The following FOXP1 variants were observed in gnomAD, a reference collection of about 807,000 sequenced individuals.
FOXP1 encodes the protein forkhead box P1.
FOXP1 carries 15 observed loss-of-function variants against 98.2 expected under a neutral mutation model. That is an observed-to-expected ratio of 0.15 (90% CI 0.10 to 0.24). The LOEUF is 0.24. Among genes scored for constraint, FOXP1 ranks in the 10% least tolerant of loss-of-function variants. FOXP1 has a pLI of 1.00. For synonymous variants in FOXP1, 371 were observed against 314.5 expected, an observed-to-expected ratio of 1.18 and a Z score of -1.90; for missense variants, 633 against 848.5, an observed-to-expected ratio of 0.75 and a Z score of 3.15.
intron 6 of FOXP1, among the ~76,000 whole-genome samples, chr3:71,190,129 AG>A (rs1262046409): frequency 6.6e-6 from 1 of 152,186 alleles, no homozygotes; most frequent in Non-Finnish European, 1.5e-5. Context: ...TTCTCTACTT[AG>A]AACCCTCCCA....
intron 3 of FOXP1, among the ~76,000 whole-genome samples, chr3:71,367,871 C>T (rs2079028811): frequency 6.6e-6 from 1 of 152,160 alleles, no homozygotes; most frequent in Admixed American, 6.5e-5. Flanking sequence ...TGCAATACCA[C>T]CAAACTTTTT....
At chr3:71,397,429 G>C (rs996825745) in intron 3 of FOXP1, among the ~76,000 whole-genome samples, 2 of 152,150 alleles carry the variant, frequency 1.3e-5, no homozygotes, top group Non-Finnish European at 2.9e-5. Flanking sequence ...CCTGAATGTA[G>C]GTATTGCTGC....
intron 14 of FOXP1, among the ~76,000 whole-genome samples, chr3:70,985,229 T>C (rs978469931): frequency 6.6e-6 from 1 of 152,202 alleles, no homozygotes; most frequent in Non-Finnish European, 1.5e-5. Context: ...TCTAGAAGGA[T>C]ACTCATTCAA....
chr3:71,354,915 C>G (rs2078049340), intron 4 of FOXP1, among the ~76,000 whole-genome samples: 1 of 152,208 alleles, frequency 6.6e-6, no homozygotes, highest in Admixed American at 6.5e-5. Flanking sequence ...AAAAGAGCCA[C>G]TGAATGAGAG....
chr3:71,519,906 T>C (rs541831842), intron 2 of FOXP1, among the ~76,000 whole-genome samples: 6 of 152,324 alleles, frequency 3.9e-5, no homozygotes, highest in Admixed American at 3.3e-4. Context: ...CTGAATGCAG[T>C]CCCTCCCATA....
chr3:71,059,881 A>G (rs563918818), intron 7 of FOXP1, among the ~76,000 whole-genome samples: 67 of 152,264 alleles, frequency 4.4e-4, no homozygotes, highest in South Asian at 1.0e-3. Context: ...TATTACTCAA[A>G]AATAATGAAA....
chr3:71,156,143 A>G (rs2060811872), intron 6 of FOXP1, among the ~76,000 whole-genome samples: 3 of 152,194 alleles, frequency 2.0e-5, no homozygotes, highest in African/African-American at 7.2e-5. Flanking sequence ...GTGATCTTTC[A>G]GAGCAAAGCA....
intron 6 of FOXP1, among the ~76,000 whole-genome samples, chr3:71,192,118 T>C (rs1474706568): frequency 1.3e-5 from 2 of 152,176 alleles, no homozygotes; most frequent in African/African-American, 4.8e-5. Context: ...GAGGTGCTGA[T>C]CAGCTTTTCC....
chr3:71,144,539 G>C (rs934412175), intron 6 of FOXP1, among the ~76,000 whole-genome samples: 1 of 152,164 alleles, frequency 6.6e-6, no homozygotes, highest in Non-Finnish European at 1.5e-5. Context: ...GGCAGGAGAG[G>C]TTCTTGGGCA....
At chr3:71,248,874 C>A (rs1034831542) in intron 5 of FOXP1, among the ~76,000 whole-genome samples, 1 of 152,120 alleles carries the variant, frequency 6.6e-6, no homozygotes, top group Non-Finnish European at 1.5e-5. Flanking sequence ...CTGGTTCACA[C>A]AATAGGCCTC....
At chr3:71,438,095 T>C (rs1446953768) in intron 3 of FOXP1, among the ~76,000 whole-genome samples, 1 of 152,188 alleles carries the variant, frequency 6.6e-6, no homozygotes, top group Admixed American at 6.5e-5. Context: ...AACAAAATAA[T>C]TGAACAATTT....
At chr3:71,517,774 C>A (rs2042689836) in intron 2 of FOXP1, among the ~76,000 whole-genome samples, 1 of 152,232 alleles carries the variant, frequency 6.6e-6, no homozygotes, top group Non-Finnish European at 1.5e-5. Flanking sequence ...CTCAAGACCT[C>A]AGTCTCCTCA....
At chr3:71,091,971 T>C (rs1220919210) in intron 7 of FOXP1, among the ~76,000 whole-genome samples, 1 of 151,992 alleles carries the variant, frequency 6.6e-6, no homozygotes, top group Admixed American at 6.6e-5. Context: ...GCAGATCACT[T>C]GAGGTCAGGA....
rs2108379663 is a variant in FOXP1, at chr3:71,198,188, C to T, written c.180+14G>A. 1.2e-5 allele frequency: 20 copies of T among 1,614,108 alleles called. No homozygotes were observed. The highest frequency in any genetic ancestry group is 1.7e-5 in the Non-Finnish European group (20 of 1,180,042). ...CCCACCACCTCCACCTCCCAAGACT[C>T]CAAAGCCCAGTACCTGTTGCTGCTG... On this transcript the variant is annotated intron_variant, in intron 6 of 20. Transcript: ENST00000649528.
intron 3 of FOXP1, among the ~76,000 whole-genome samples, chr3:71,456,845 A>G (rs1289956944): frequency 6.6e-6 from 1 of 151,640 alleles, no homozygotes; most frequent in African/African-American, 2.4e-5. Flanking sequence ...ATGTCAACTC[A>G]TATCAGTGGC....
chr3:71,515,174 T>C (rs566358323), intron 2 of FOXP1, among the ~76,000 whole-genome samples: 6 of 152,214 alleles, frequency 3.9e-5, no homozygotes, highest in Admixed American at 1.3e-4. Flanking sequence ...AAAACAGGCC[T>C]TTCTGTTGAA....
intron 7 of FOXP1, among the ~76,000 whole-genome samples, chr3:71,057,047 C>T (rs2050747758): frequency 6.6e-6 from 1 of 152,104 alleles, no homozygotes; most frequent in Non-Finnish European, 1.5e-5. Context: ...GCAGTCTTAA[C>T]CTATTGATCA....
chr3:71,556,563 C>G (rs374561163), intron 2 of FOXP1, among the ~76,000 whole-genome samples: 1 of 115,522 alleles, frequency 8.7e-6, no homozygotes, highest in Non-Finnish European at 1.6e-5. Context: ...GGCGACAGAG[C>G]GAGACTCCGT....
chr3:71,164,333 G>A (rs1447040338), intron 6 of FOXP1, among the ~76,000 whole-genome samples: 1 of 152,052 alleles, frequency 6.6e-6, no homozygotes, highest in Non-Finnish European at 1.5e-5. Flanking sequence ...CGGAGTAGCT[G>A]GGACTACAGG....
Sources: allele counts gnomAD v4.1 joint callset (sites outside exome capture counted in the v4.1 genomes callset), GRCh38; gene constraint gnomAD v4.1.1; transcripts MANE v1.5; gene names NCBI Gene and HGNC (gene_info 2026-07-23, HGNC 2026-07-21).